The following ANKRD11 variants were observed in gnomAD, a reference collection of about 807,000 sequenced individuals.
ANKRD11 encodes the protein ankyrin repeat domain 11.
ANKRD11 carries 17 observed loss-of-function variants against 195.7 expected under a neutral mutation model. The ratio of observed to expected loss-of-function variants is 0.09; its 90% CI spans 0.06 to 0.13. ANKRD11 has a LOEUF of 0.13. Among genes scored for constraint, ANKRD11 ranks in the 10% least tolerant of loss-of-function variants. The pLI, the probability that ANKRD11 is intolerant of heterozygous loss-of-function variation, is 1.00. For synonymous variants in ANKRD11, 1,953 were observed against 1,528.1 expected, an observed-to-expected ratio of 1.28 and a Z score of -6.49; for missense variants, 3,735 against 3,566.1, an observed-to-expected ratio of 1.05 and a Z score of -1.21.
chr16:89,447,933 T>C (rs1294643105), intron 1 of ANKRD11, among the ~76,000 whole-genome samples: 1 of 151,600 alleles, frequency 6.6e-6, no homozygotes, highest in Admixed American at 6.6e-5. Flanking sequence ...GCCTCCCAGG[T>C]AGCTGGGACT....
chr16:89,388,939 C>T (rs969586396), intron 2 of ANKRD11, among the ~76,000 whole-genome samples: 1 of 152,200 alleles, frequency 6.6e-6, no homozygotes, highest in African/African-American at 2.4e-5. Flanking sequence ...CAGAACAAAG[C>T]CCAAGATGAC....
intron 1 of ANKRD11, among the ~76,000 whole-genome samples, chr16:89,441,926 A>G (rs1597417411): frequency 6.6e-6 from 1 of 152,294 alleles, no homozygotes; most frequent in East Asian, 1.9e-4. Flanking sequence ...CCCATCATCC[A>G]TGCAAAGACC....
rs1290411401 is a variant in ANKRD11 at position 89,461,166 on chromosome 16, A to G, written c.-145+29079T>C. 4.7e-5 allele frequency among the ~76,000 whole-genome samples: 6 copies of G among 128,948 alleles called. No homozygotes were observed. In the East Asian group the frequency reaches 1.4e-3, roughly 31 times the overall value. 84.6% of individuals were successfully genotyped at this position (128,948 alleles called of 152,430 possible). A position where few individuals can be genotyped will look rare whatever the true frequency, so the allele number is the denominator to read the frequency against. Reference sequence around the variant, plus strand: ...GGTGACATTCATAAGAGAAGAAAGGACAAATATCGTATGACCCCCCCCCCC... The same window carrying G: ...GGTGACATTCATAAGAGAAGAAAGGGCAAATATCGTATGACCCCCCCCCCC... On this transcript the variant is annotated intron_variant, in intron 1 of 12. Coordinates refer to ENST00000301030, the MANE Select transcript of ANKRD11 (RefSeq NM_013275.6).
At chr16:89,329,532 G>A (rs1345370083) in intron 2 of ANKRD11, among the ~76,000 whole-genome samples, 4 of 152,186 alleles carry the variant, frequency 2.6e-5, no homozygotes, top group Non-Finnish European at 5.9e-5. Flanking sequence ...AATTTAAAAT[G>A]AGTGAATTTT....
At position 89,291,500 on chromosome 16, in the gene ANKRD11, G is replaced by A. The variant is rs2035062654; in HGVS notation, c.227-317C>T. Among the ~76,000 whole-genome samples, 2 of 152,212 alleles carry A rather than the reference G, an allele frequency of 1.3e-5. No homozygotes were observed. The highest frequency in any genetic ancestry group is 2.9e-5 in the Non-Finnish European group (2 of 68,038). ...CCTCCCCAGACCTCGTACCACACATGAATGCGGTGGGACAGCTTAGCACCG... is the reference window on the plus strand; with the variant it reads ...CCTCCCCAGACCTCGTACCACACATAAATGCGGTGGGACAGCTTAGCACCG... On this transcript the variant is annotated intron_variant, in intron 4 of 12. Transcript: ENST00000301030. This position sits in a 1 kb window ranked among gnomAD's most constrained non-coding sequence, Gnocchi z 5.3.
At chr16:89,432,461 T>C (rs1567797502) in intron 1 of ANKRD11, among the ~76,000 whole-genome samples, 12 of 152,122 alleles carry the variant, frequency 7.9e-5, no homozygotes. Flanking sequence ...CCCCAGCCTC[T>C]GAGCAACCGC....
intron 2 of ANKRD11, among the ~76,000 whole-genome samples, chr16:89,367,369 C>T (rs1453878433): frequency 3.3e-5 from 5 of 152,260 alleles, no homozygotes; most frequent in Non-Finnish European, 5.9e-5. Context: ...CCTCCCACCA[C>T]TGCTTCCACT....
chr16:89,430,285 G>A (rs2042919241), intron 1 of ANKRD11, among the ~76,000 whole-genome samples: 3 of 136,108 alleles, frequency 2.2e-5, no homozygotes, highest in Admixed American at 7.3e-5. Flanking sequence ...CTCAGGCTCA[G>A]TCGTTCTAGT....
intron 2 of ANKRD11, among the ~76,000 whole-genome samples, chr16:89,367,910 G>A (rs566237382): frequency 2.0e-5 from 3 of 152,240 alleles, no homozygotes; most frequent in Non-Finnish European, 4.4e-5. Flanking sequence ...AGGCTGAGGT[G>A]GGAGGATCAC....
intron 1 of ANKRD11, among the ~76,000 whole-genome samples, chr16:89,422,423 T>G (rs1280428780): frequency 6.6e-6 from 1 of 152,222 alleles, no homozygotes; most frequent in Admixed American, 6.5e-5. Context: ...TTTGAGGGGA[T>G]GGACACAGTA....
chr16:89,327,427 A>G (rs542908225), intron 2 of ANKRD11, among the ~76,000 whole-genome samples: 23 of 152,278 alleles, frequency 1.5e-4, no homozygotes, highest in African/African-American at 5.3e-4. Flanking sequence ...ATGGAATAAA[A>G]CTGTCTCTCT....
At chr16:89,331,729 T>TCC (rs1297850484) in intron 2 of ANKRD11, among the ~76,000 whole-genome samples, 5 of 152,168 alleles carry the variant, frequency 3.3e-5, no homozygotes, top group Admixed American at 3.3e-4. Flanking sequence ...CAAGGGATCC[T>TCC]CCTGCCTCAG....
At chr16:89,425,821 G>A (rs2042694632) in intron 1 of ANKRD11, among the ~76,000 whole-genome samples, 1 of 152,180 alleles carries the variant, frequency 6.6e-6, no homozygotes, top group Non-Finnish European at 1.5e-5. Context: ...TGAGCCTGAG[G>A]AGGAACTAGA....
intron 1 of ANKRD11, among the ~76,000 whole-genome samples, chr16:89,478,348 C>T (rs3803681): frequency 0.51 from 76,965 of 151,466 alleles, 19,770 homozygotes; most frequent in East Asian, 0.68. Context: ...TTTTTTTTAA[C>T]GTCCTTCAAA....
chr16:89,439,329 A>G (rs1202435241), intron 1 of ANKRD11, among the ~76,000 whole-genome samples: 2 of 152,236 alleles, frequency 1.3e-5, no homozygotes, highest in Admixed American at 6.5e-5. Context: ...AGACAACACT[A>G]AATTAATGAT....
chr16:89,374,349 T>TA (rs1567716263), intron 2 of ANKRD11, among the ~76,000 whole-genome samples: 1 of 150,608 alleles, frequency 6.6e-6, no homozygotes, highest in African/African-American at 2.4e-5. Flanking sequence ...AAAAAAATAA[T>TA]AATAATAATA....
rs112852387 is a variant in ANKRD11, at chr16:89,315,744, C to T, written c.87+1189G>A. Among the ~76,000 whole-genome samples, 115 of 152,306 alleles carry T rather than the reference C, an allele frequency of 7.6e-4. 1 individual carries two copies. Among genetic ancestry groups the T allele is most frequent in the African/African-American group, 2.6e-3 (109 of 41,574 alleles). On this transcript the variant is annotated intron_variant, in intron 3 of 12. Coordinates refer to ENST00000301030, the MANE Select transcript of ANKRD11 (RefSeq NM_013275.6). Reference sequence around the variant, plus strand: ...CTGTCGTTTAGCACCTGCACGTGTCCGTATTCACAAAATGCTTCACGATTC... The same window carrying T: ...CTGTCGTTTAGCACCTGCACGTGTCTGTATTCACAAAATGCTTCACGATTC...
At chr16:89,454,225 G>C (rs1005092908) in intron 1 of ANKRD11, among the ~76,000 whole-genome samples, 1 of 152,118 alleles carries the variant, frequency 6.6e-6, no homozygotes, top group Non-Finnish European at 1.5e-5. Context: ...GCAAGTGTGG[G>C]CAGCTGTAGC....
chr16:89,309,762 G>A (rs1005078164), intron 3 of ANKRD11, among the ~76,000 whole-genome samples: 4 of 152,182 alleles, frequency 2.6e-5, no homozygotes, highest in African/African-American at 4.8e-5. Flanking sequence ...CAGGAACCAC[G>A]TGCACATGCT....
Sources: allele counts gnomAD v4.1 joint callset (sites outside exome capture counted in the v4.1 genomes callset), GRCh38; gene constraint gnomAD v4.1.1; non-coding constraint Gnocchi (gnomAD v3.1); transcripts MANE v1.5; gene names NCBI Gene and HGNC (gene_info 2026-07-23, HGNC 2026-07-21).